The following CDC7 variants were observed in gnomAD, a reference collection of about 807,000 sequenced individuals.
CDC7 encodes cell division cycle 7.
CDC7 carries 34 observed loss-of-function variants against 53.5 expected under a neutral mutation model. The observed-to-expected ratio is 0.64, with a 90% confidence interval of 0.48 to 0.85. The LOEUF is 0.85. CDC7 is among the 40% of genes least tolerant of loss of function. CDC7 has a pLI of 0.00. For synonymous variants in CDC7, 211 were observed against 222.8 expected (o/e 0.95, Z 0.47); for missense variants, 594 against 679.7 (o/e 0.87, Z 1.40).
chr1:91,511,371 T>C (rs1163327136), intron 4 of CDC7, among the ~76,000 whole-genome samples: 1 of 152,134 alleles, frequency 6.6e-6, no homozygotes, highest in Non-Finnish European at 1.5e-5. Context: ...TATAATTACC[T>C]CGTTTGAATT....
rs1227536999 is a variant in CDC7 at position 91,507,841 on chromosome 1, G to A, written c.116-13G>A. The A allele has an allele frequency of 5.5e-6, 7 of 1,274,304 alleles. No individual in the cohort carries two copies. Among genetic ancestry groups the A allele is most frequent in the Admixed American group, 2.2e-5 (1 of 45,426 alleles). The allele number at this position is 1,274,304 out of a possible 1,614,324, so 78.9% of individuals were successfully genotyped here. ...TCATTGATTAAAACTCTAAATTTTTGTTTCCTTGAAAGGTGTTAAAAAAGA... is the reference window on the plus strand; with the variant it reads ...TCATTGATTAAAACTCTAAATTTTTATTTCCTTGAAAGGTGTTAAAAAAGA... On this transcript the variant is annotated splice_polypyrimidine_tract_variant and intron_variant, in intron 2 of 11. Transcript: ENST00000234626.
chr1:91,505,812 C>A (rs1429004867), intron 2 of CDC7, among the ~76,000 whole-genome samples: 1 of 152,134 alleles, frequency 6.6e-6, no homozygotes, highest in Non-Finnish European at 1.5e-5. Context: ...GACAGGAAAC[C>A]TTAATAAACA....
chr1:91,521,500 A>G (rs1667945121), intron 11 of CDC7, among the ~76,000 whole-genome samples: 2 of 152,342 alleles, frequency 1.3e-5, no homozygotes, highest in East Asian at 1.9e-4. Flanking sequence ...TCTTGTACTT[A>G]TTGTAAGAAA....
At chr1:91,520,643 T>C (rs1667890063) in intron 11 of CDC7, among the ~76,000 whole-genome samples, 3 of 152,264 alleles carry the variant, frequency 2.0e-5, no homozygotes, top group Admixed American at 1.3e-4. Context: ...TACTTTTTTA[T>C]TGTCTTTTAA....
chr1:91,507,621 G>A (rs1305661380), intron 2 of CDC7, among the ~76,000 whole-genome samples: 3 of 152,058 alleles, frequency 2.0e-5, no homozygotes, highest in African/African-American at 7.2e-5. Flanking sequence ...TATAATTCCA[G>A]TATAGTAGAA....
chr1:91,512,872 T>G (rs1306808204), intron 6 of CDC7, among the ~76,000 whole-genome samples, 186 bp from the exon 7 acceptor site: 1 of 152,194 alleles, frequency 6.6e-6, no homozygotes, highest in Admixed American at 6.6e-5. Flanking sequence ...TTTTCAATCC[T>G]GGTTAGCTGT....
At chr1:91,511,256 A>G (rs767143477) in intron 4 of CDC7, among the ~76,000 whole-genome samples, 4 of 152,142 alleles carry the variant, frequency 2.6e-5, no homozygotes, top group East Asian at 3.8e-4. Context: ...TCATTGATCT[A>G]TTAGTTTAGT....
chr1:91,514,015 C>T lies in CDC7; in HGVS notation c.890C>T (p.Ser297Phe). ...GAAAGAAATTTCAATATACACAGCT[C>T]CATTTCACATGAGAGCCCTGCAGTG... The part of the protein sequence containing the change: ...FGERNFNIHS[S>F]ISHESPAVKL... Residue 297 changes from serine to phenylalanine, a missense_variant, in exon 8 of 12, where the codon TCC (serine) becomes TTC (phenylalanine). Transcript: ENST00000234626. 1 of 1,611,740 alleles carries T rather than the reference C, an allele frequency of 6.2e-7. No individual in the cohort carries two copies. Among genetic ancestry groups the T allele is most frequent in the Non-Finnish European group, 8.5e-7 (1 of 1,178,266 alleles).
intron 3 of CDC7, 21 bp from the exon 4 acceptor site, chr1:91,508,241 A>T (rs1444403561): frequency 6.4e-7 from 1 of 1,563,662 alleles, no homozygotes; most frequent in Non-Finnish European, 8.6e-7. Flanking sequence ...ATATTGAAAA[A>T]TTTAATAAAT....
chr1:91,504,206 A>G (rs1666860667), intron 2 of CDC7, among the ~76,000 whole-genome samples: 1 of 151,932 alleles, frequency 6.6e-6, no homozygotes, highest in South Asian at 2.1e-4. Context: ...CCTGCACTCA[A>G]GCAATCCTAC....
In CDC7 at chr1:91,524,521, C is replaced by T; in HGVS notation, c.*86C>T. On this transcript the variant is annotated 3_prime_UTR_variant, in exon 12 of 12. Transcript: ENST00000234626. ...TAGCCACAAGTTCTTGTTTAGAGAC[C>T]AGAGCAGGATTAATAATTTATTTTA... 1 of 992,562 alleles carries T rather than the reference C, an allele frequency of 1.0e-6. No homozygotes were observed. The highest frequency in any genetic ancestry group is 1.6e-5 in the African/African-American group (1 of 61,578). The allele number at this position is 992,562 out of a possible 1,614,324, so 61.5% of individuals were successfully genotyped here.
chr1:91,513,226 T>C lies in CDC7; in HGVS notation c.741T>C (p.Asp247=). 1.2e-6 allele frequency: 2 copies of C among 1,613,090 alleles called. No individual in the cohort carries two copies. The highest frequency in any genetic ancestry group is 1.7e-6 in the Non-Finnish European group (2 of 1,179,174). Residue 247 remains aspartate, a synonymous_variant, in exon 7 of 12, where the codon GAT becomes GAC. Transcript: ENST00000234626. ...GTGGCCCAGTACCTAAGGAGCTGGA[T>C]CAGCAGTCCACCACAAAAGCTTCTG... ...PLSGPVPKEL[D]QQSTTKASVK... is the part of the protein sequence containing the mutation.
At chr1:91,522,842 G>T (rs1284982705) in intron 11 of CDC7, among the ~76,000 whole-genome samples, 2 of 152,128 alleles carry the variant, frequency 1.3e-5, no homozygotes, top group Admixed American at 6.5e-5. Context: ...CACCAGTCCA[G>T]TAGTTAGTTC....
chr1:91,502,721 G>A (rs13447464), intron 2 of CDC7, among the ~76,000 whole-genome samples: 57,770 of 151,946 alleles, frequency 0.38, 12,200 homozygotes, highest in Non-Finnish European at 0.48. Flanking sequence ...ATGGCATTGT[G>A]TCTTCTTTCC....
chr1:91,518,514 A>T (rs1182740798), intron 10 of CDC7, among the ~76,000 whole-genome samples: 2 of 152,190 alleles, frequency 1.3e-5, no homozygotes, highest in African/African-American at 2.4e-5. Flanking sequence ...TGAATGGATA[A>T]AGAAAATGTG....
At chr1:91,507,156 T>A (rs529986785) in intron 2 of CDC7, among the ~76,000 whole-genome samples, 1 of 152,266 alleles carries the variant, frequency 6.6e-6, no homozygotes, top group South Asian at 2.1e-4. Flanking sequence ...TTATGCTATA[T>A]AGGGCTAGTA....
chr1:91,512,172 G>A (rs1017024826), intron 6 of CDC7, among the ~76,000 whole-genome samples: 1 of 151,894 alleles, frequency 6.6e-6, no homozygotes, highest in African/African-American at 2.4e-5. Context: ...TGTGCATTAG[G>A]TCTAGATTTA....
chr1:91,512,495 A>G (rs868566857), intron 6 of CDC7, among the ~76,000 whole-genome samples: 14 of 152,034 alleles, frequency 9.2e-5, no homozygotes, highest in African/African-American at 2.2e-4. Context: ...ATGATAGCCA[A>G]TTTCCTGTTT....
At chr1:91,519,370 A>C (rs919957911) in intron 10 of CDC7, among the ~76,000 whole-genome samples, 1 of 151,844 alleles carries the variant, frequency 6.6e-6, no homozygotes, top group Non-Finnish European at 1.5e-5. Flanking sequence ...CAGAGATTGC[A>C]GTGAGCTGAG....
Sources: allele counts gnomAD v4.1 joint callset (sites outside exome capture counted in the v4.1 genomes callset), GRCh38; gene constraint gnomAD v4.1.1; transcripts MANE v1.5; gene names NCBI Gene and HGNC (gene_info 2026-07-23, HGNC 2026-07-21).